Variants in NFATC2 observed in about 807,000 individuals in gnomAD.
The protein encoded by NFATC2 is nuclear factor of activated T cells 2.
NFATC2 carries 22 observed loss-of-function variants against 87.3 expected under a neutral mutation model. The observed-to-expected ratio is 0.25, with a 90% CI of 0.18 to 0.36. NFATC2 has a LOEUF of 0.36. Among genes scored for constraint, NFATC2 ranks in the 10% least tolerant of loss-of-function variants. The probability of loss-of-function intolerance (pLI) is 1.00; values close to 1 mark genes in which losing one functional copy is unlikely to be tolerated. For synonymous variants in NFATC2, 565 were observed against 542.2 expected, an observed-to-expected ratio of 1.04 and a Z score of -0.58; for missense variants, 1,149 against 1,259.1, an observed-to-expected ratio of 0.91 and a Z score of 1.32.
In NFATC2 at chr20:51,523,075, G is replaced by A. The variant is rs1205154492; in HGVS notation, c.1160+6C>T. On this transcript the variant is annotated splice_donor_region_variant and intron_variant, in intron 2 of 10. Coordinates refer to ENST00000371564, the MANE Select transcript of NFATC2 (RefSeq NM_012340.5). The surrounding 1 kb of genome is among the most constrained non-coding windows in gnomAD (Gnocchi z 6.9). ...CAGAATCAATCATTTTCAAAGCCCT[G>A]CTCACCTGCAGATGGGAATGGCAGG... 6.2e-7 allele frequency: 1 copy of A among 1,613,998 alleles called. No individual in the cohort carries two copies. The highest frequency in any genetic ancestry group is 1.3e-5 in the African/African-American group (1 of 74,942).
chr20:51,479,901 G>A (rs1989087890), intron 3 of NFATC2, among the ~76,000 whole-genome samples: 1 of 152,146 alleles, frequency 6.6e-6, no homozygotes, highest in African/African-American at 2.4e-5. Flanking sequence ...CTCAGCGCTT[G>A]GTGGATTCCA....
intron 6 of NFATC2, among the ~76,000 whole-genome samples, chr20:51,449,083 A>G (rs1319260201): frequency 1.3e-5 from 2 of 152,104 alleles, no homozygotes; most frequent in Admixed American, 6.5e-5. Flanking sequence ...GCCGATGACC[A>G]AACTCGGGGC....
At chr20:51,555,707 G>A (rs1280996356) in intron 1 of NFATC2, among the ~76,000 whole-genome samples, 3 of 151,960 alleles carry the variant, frequency 2.0e-5, no homozygotes, top group Non-Finnish European at 4.4e-5. Flanking sequence ...TGAGCATCCC[G>A]AGCACATGCC....
intron 3 of NFATC2, among the ~76,000 whole-genome samples, chr20:51,492,702 C>T (rs373725441): frequency 2.6e-5 from 4 of 152,344 alleles, no homozygotes; most frequent in African/African-American, 2.4e-5. Flanking sequence ...GAGCAGGAGG[C>T]GGCCGGGGCT....
At chr20:51,418,722 G>A (rs1980420397) in intron 9 of NFATC2, among the ~76,000 whole-genome samples, 1 of 149,370 alleles carries the variant, frequency 6.7e-6, no homozygotes, top group Admixed American at 6.7e-5. Flanking sequence ...GAGTGCAGTG[G>A]TACGATTGCG....
chr20:51,390,955 C>T lies in NFATC2; in HGVS notation c.*541G>A. ...GTTCCTTTGGTTGCTCTGAGAACTC[C>T]TTGCCTTCAAAAGGTACAGGAGCTG... On this transcript the variant is annotated 3_prime_UTR_variant, in exon 11 of 11. Coordinates refer to ENST00000371564, the MANE Select transcript of NFATC2 (RefSeq NM_012340.5). 1 of 268,246 alleles carries T rather than the reference C, an allele frequency of 3.7e-6. No individual in the cohort carries two copies. The highest frequency in any genetic ancestry group is 7.5e-6 in the Non-Finnish European group (1 of 133,484). 16.6% of individuals were successfully genotyped at this position (268,246 alleles called of 1,614,324 possible).
At chr20:51,401,572 A>C (rs1255522571) in intron 9 of NFATC2, among the ~76,000 whole-genome samples, 1 of 152,218 alleles carries the variant, frequency 6.6e-6, no homozygotes, top group African/African-American at 2.4e-5. Flanking sequence ...GCGGACGTCA[A>C]GAGAAAAGGC....
At chr20:51,561,677 T>G (rs1470057671) in intron 1 of NFATC2, among the ~76,000 whole-genome samples, 1 of 151,278 alleles carries the variant, frequency 6.6e-6, no homozygotes, top group Non-Finnish European at 1.5e-5. Flanking sequence ...GCGAATTTAT[T>G]TCACTTAACT....
chr20:51,439,218 G>A (rs1047146789), intron 6 of NFATC2, among the ~76,000 whole-genome samples: 1 of 152,116 alleles, frequency 6.6e-6, no homozygotes, highest in African/African-American at 2.4e-5. Context: ...TCTTATGAGC[G>A]CTCACTACAT....
intron 10 of NFATC2, among the ~76,000 whole-genome samples, chr20:51,396,038 G>GTATATATA (rs1161908517): frequency 1.2e-3 from 26 of 21,250 alleles, no homozygotes; most frequent in Non-Finnish European, 1.7e-3. Context: ...CTCCTAGTAT[G>GTATATATA]TATATATATA....
intron 3 of NFATC2, among the ~76,000 whole-genome samples, chr20:51,503,878 C>G (rs2076132715): frequency 6.6e-6 from 1 of 152,212 alleles, no homozygotes; most frequent in South Asian, 2.1e-4. Context: ...GAGTCTTGCT[C>G]TGTCACCCAG....
rs1156736606 is a variant in NFATC2 at position 51,432,215 on chromosome 20, A to G, written c.2574T>C (p.Gly858=). ...GCTGCTGAATGACTGTGGGGTAGGAACCCGGGCTCAGCCTCTGACCTTGAC... is the reference window on the plus strand; with the variant it reads ...GCTGCTGAATGACTGTGGGGTAGGAGCCCGGGCTCAGCCTCTGACCTTGAC... The part of the protein sequence containing the change: ...PVSQGQRLSP[G]SYPTVIQQQN... Residue 858 remains glycine, a synonymous_variant, in exon 9 of 11, where the codon GGT becomes GGC. Coordinates refer to ENST00000371564, the MANE Select transcript of NFATC2 (RefSeq NM_012340.5). This position sits in a 1 kb window ranked among gnomAD's most constrained non-coding sequence, Gnocchi z 4.6. 1.2e-6 allele frequency: 2 copies of G among 1,613,482 alleles called. No individual in the cohort carries two copies. The highest frequency in any genetic ancestry group is 1.7e-5 in the Admixed American group (1 of 59,932).
intron 1 of NFATC2, among the ~76,000 whole-genome samples, chr20:51,561,139 T>G (rs979609112): frequency 1.3e-5 from 2 of 151,890 alleles, no homozygotes; most frequent in Non-Finnish European, 2.9e-5. Flanking sequence ...AAATTTTTTT[T>G]GCCATTATGT....
chr20:51,533,835 G>C (rs1401490947), intron 1 of NFATC2, among the ~76,000 whole-genome samples: 3 of 152,240 alleles, frequency 2.0e-5, no homozygotes, highest in Admixed American at 2.0e-4. Context: ...TTGGATAGGG[G>C]TGGAGAAATG....
chr20:51,434,792 G>A (rs1983312628), intron 8 of NFATC2, among the ~76,000 whole-genome samples: 1 of 152,128 alleles, frequency 6.6e-6, no homozygotes. Flanking sequence ...ACTCACATGG[G>A]GGGGTCACAT....
At chr20:51,395,691 T>TAAAAATTACGCACAAAACATGCTGTAA (rs1355342895) in intron 10 of NFATC2, among the ~76,000 whole-genome samples, 1 of 152,116 alleles carries the variant, frequency 6.6e-6, no homozygotes, top group Non-Finnish European at 1.5e-5. Context: ...CGATCTTATG[T>TAAAAATTACGCACAAAACATGCTGTAA]AAAAATTACG....
intron 1 of NFATC2, among the ~76,000 whole-genome samples, chr20:51,550,175 C>A (rs560967653): frequency 1.3e-5 from 2 of 152,240 alleles, no homozygotes; most frequent in African/African-American, 4.8e-5. Context: ...AAGATCCTGT[C>A]TCTATGAAAA....
chr20:51,429,108 T>C (rs940979421), intron 9 of NFATC2, among the ~76,000 whole-genome samples: 2 of 152,206 alleles, frequency 1.3e-5, no homozygotes, highest in South Asian at 2.1e-4. Context: ...TCCCTAGAGC[T>C]GATGGTGGCA....
rs555979560 is a variant in NFATC2, at chr20:51,448,035, C to A, written c.1849+6513G>T. Among the ~76,000 whole-genome samples, 4 of 152,330 alleles carry A rather than the reference C, an allele frequency of 2.6e-5. No individual in the cohort carries two copies. In the South Asian group the frequency reaches 8.3e-4, roughly 32 times the overall value. ...TAAAAGAGATGCATTCATTCAACAA[C>A]ACAAATGAGCACCTGCTATGTGCCG... On this transcript the variant is annotated intron_variant, in intron 6 of 10. Transcript: ENST00000371564.
Sources: allele counts gnomAD v4.1 joint callset (sites outside exome capture counted in the v4.1 genomes callset), GRCh38; gene constraint gnomAD v4.1.1; non-coding constraint Gnocchi (gnomAD v3.1); transcripts MANE v1.5; gene names NCBI Gene and HGNC (gene_info 2026-07-23, HGNC 2026-07-21).